ZNHIT6: variants seen among roughly 807,000 people sequenced by gnomAD.
The protein encoded by ZNHIT6 is zinc finger HIT-type containing 6.
Under a neutral mutation model 57.2 loss-of-function variants are expected in ZNHIT6, and 45 were observed. The observed-to-expected ratio is 0.79, with a 90% confidence interval of 0.62 to 1.01. The LOEUF (loss-of-function observed/expected upper bound fraction) is 1.01. Among genes scored for constraint, ZNHIT6 ranks in the 50% least tolerant of loss-of-function variants. The pLI is 0.00. For synonymous variants in ZNHIT6, 188 were observed against 190.0 expected (o/e 0.99, Z 0.09); for missense variants, 528 against 567.3 (o/e 0.93, Z 0.70).
At chr1:85,662,317 T>C (rs1198694695) in intron 8 of ZNHIT6, among the ~76,000 whole-genome samples, 1 of 152,118 alleles carries the variant, frequency 6.6e-6, no homozygotes, top group African/African-American at 2.4e-5. Flanking sequence ...TCTCCAAATT[T>C]AGCAATCTAG....
chr1:85,679,379 A>G (rs9661951), intron 6 of ZNHIT6, among the ~76,000 whole-genome samples: 137,928 of 152,056 alleles, frequency 0.91, 63,157 homozygotes, highest in Non-Finnish European at 0.97. Flanking sequence ...ATACCCCTAG[A>G]TGTAAAATAA....
At chr1:85,672,340 A>G (rs1661580319) in intron 8 of ZNHIT6, among the ~76,000 whole-genome samples, 1 of 152,160 alleles carries the variant, frequency 6.6e-6, no homozygotes, top group Non-Finnish European at 1.5e-5. Context: ...CCAGATCCAG[A>G]CAGCGTTAGT....
intron 8 of ZNHIT6, among the ~76,000 whole-genome samples, chr1:85,676,336 CAAAAA>C (rs754000429): frequency 5.5e-5 from 3 of 54,424 alleles, no homozygotes; most frequent in African/African-American, 6.9e-5. Flanking sequence ...AACTCCGTCT[CAAAAA>C]AAAAAAAAAA....
At position 85,667,968 on chromosome 1, in the gene ZNHIT6, A is replaced by G. The variant is rs950396879; in HGVS notation, c.1247+9268T>C. Among the ~76,000 whole-genome samples the G allele has an allele frequency of 7.6e-4, 90 of 118,900 alleles. 2 individuals carry two copies. Among genetic ancestry groups the G allele is most frequent in the African/African-American group, 2.4e-3 (75 of 31,910 alleles). The allele number at this position is 118,900 out of a possible 152,430, so 78.0% of individuals were successfully genotyped here. On this transcript the variant is annotated intron_variant, in intron 8 of 9. Transcript: ENST00000370574. ...CTTTCAAAAAAAAAAAAAAATATAT[A>G]TATATATATATATATATGCTCTGCT...
At chr1:85,700,778 A>T (rs751928980) in intron 5 of ZNHIT6, among the ~76,000 whole-genome samples, 2 of 152,230 alleles carry the variant, frequency 1.3e-5, no homozygotes, top group South Asian at 4.1e-4. Flanking sequence ...GCACAAAAGA[A>T]TCATCTCACA....
chr1:85,687,310 AAC>A lies in ZNHIT6; in HGVS notation c.1020-6408_1020-6407del, dbSNP rs1557861257. ...AAACAAAAAAAAAACAAAAAAAAAA[AAC>A]AATTTAGAACCCAGTACTCAAAAAT... On this transcript the variant is annotated intron_variant, in intron 5 of 9. Transcript: ENST00000370574. Among the ~76,000 whole-genome samples the A allele has an allele frequency of 9.7e-4, 140 of 143,660 alleles. 20 individuals are homozygous for A. The highest frequency in any genetic ancestry group is 3.9e-3 in the East Asian group (18 of 4,620). The allele number at this position is 143,660 out of a possible 152,430, so 94.2% of individuals were successfully genotyped here.
intron 8 of ZNHIT6, among the ~76,000 whole-genome samples, chr1:85,662,895 A>G (rs1661266956): frequency 6.6e-6 from 1 of 152,236 alleles, no homozygotes; most frequent in African/African-American, 2.4e-5. Flanking sequence ...GTGGTTAAAT[A>G]AAATGGCCAA....
chr1:85,667,961 A>AAAAAAAATGTATATATAT, intron 8 of ZNHIT6, among the ~76,000 whole-genome samples: 1 of 18,200 alleles, frequency 5.5e-5, no homozygotes, highest in African/African-American at 2.1e-4. Flanking sequence ...AAAAAAAAAA[A>AAAAAAAATGTATATATAT]ATATATATAT....
chr1:85,670,233 G>A (rs1197257026), intron 8 of ZNHIT6, among the ~76,000 whole-genome samples: 1 of 152,092 alleles, frequency 6.6e-6, no homozygotes, highest in Non-Finnish European at 1.5e-5. Flanking sequence ...AGTTTTACTG[G>A]ACCATATTCT....
intron 8 of ZNHIT6, among the ~76,000 whole-genome samples, chr1:85,665,849 A>G (rs1174110734): frequency 1.3e-5 from 2 of 152,186 alleles, no homozygotes; most frequent in Non-Finnish European, 2.9e-5. Context: ...CCATGAATTA[A>G]CTACATTATA....
intron 9 of ZNHIT6, among the ~76,000 whole-genome samples, chr1:85,656,224 C>T (rs191105717): frequency 2.0e-5 from 3 of 152,232 alleles, no homozygotes; most frequent in South Asian, 2.1e-4. Flanking sequence ...TGTGTACTTA[C>T]GATGTGACAA....
intron 8 of ZNHIT6, among the ~76,000 whole-genome samples, chr1:85,672,996 T>C (rs1010149995): frequency 1.3e-5 from 2 of 152,214 alleles, no homozygotes; most frequent in Non-Finnish European, 2.9e-5. Flanking sequence ...GTAACTTAAG[T>C]GGGCAGTAAT....
At position 85,651,931 on chromosome 1, in the gene ZNHIT6, A is replaced by G. The variant is rs1319570448; in HGVS notation, c.*2127T>C. Reference sequence around the variant, plus strand: ...AAATCTTACGGGAAAAAATATGCATATTAATCAAATGAGTTGATAATTATA... The same window carrying G: ...AAATCTTACGGGAAAAAATATGCATGTTAATCAAATGAGTTGATAATTATA... On this transcript the variant is annotated 3_prime_UTR_variant, in exon 10 of 10. Transcript: ENST00000370574. The G allele has an allele frequency of 6.6e-6, 1 of 152,252 alleles. No homozygotes were observed. The highest frequency in any genetic ancestry group is 1.5e-5 in the Non-Finnish European group (1 of 68,036). 9.4% of individuals were successfully genotyped at this position (152,252 alleles called of 1,614,324 possible).
Position 85,674,592 on chromosome 1 carries a change from T to C in ZNHIT6, c.1247+2644A>G, listed in dbSNP as rs565719888. Among the ~76,000 whole-genome samples, 17 of 152,334 alleles carry C rather than the reference T, an allele frequency of 1.1e-4. 1 individual carries two copies. Among genetic ancestry groups the C allele is most frequent in the African/African-American group, 4.1e-4 (17 of 41,576 alleles). Reference sequence around the variant, plus strand: ...CCTAAAATCAATTCCACGTAATTCATGTTTAAACAAAATAATTTACATTGT... The same window carrying C: ...CCTAAAATCAATTCCACGTAATTCACGTTTAAACAAAATAATTTACATTGT... On this transcript the variant is annotated intron_variant, in intron 8 of 9. Coordinates refer to ENST00000370574, the MANE Select transcript of ZNHIT6 (RefSeq NM_017953.4).
intron 5 of ZNHIT6, among the ~76,000 whole-genome samples, chr1:85,685,670 G>C (rs1662009279): frequency 6.6e-6 from 1 of 151,060 alleles, no homozygotes; most frequent in South Asian, 2.1e-4. Flanking sequence ...CTGACTTTCT[G>C]GGCTCAAGTG....
At chr1:85,666,190 G>C (rs764269532) in intron 8 of ZNHIT6, among the ~76,000 whole-genome samples, 20 of 152,194 alleles carry the variant, frequency 1.3e-4, no homozygotes, top group Non-Finnish European at 2.5e-4. Context: ...GTAAAGATAG[G>C]AGGAGAGAGC....
At chr1:85,670,317 A>C (rs559560154) in intron 8 of ZNHIT6, among the ~76,000 whole-genome samples, 11 of 152,186 alleles carry the variant, frequency 7.2e-5, no homozygotes, top group South Asian at 4.1e-4. Flanking sequence ...ATTATGACTA[A>C]ATGGCCCACA....
intron 9 of ZNHIT6, among the ~76,000 whole-genome samples, chr1:85,654,863 T>TA (rs754594914): frequency 2.0e-5 from 3 of 152,210 alleles, no homozygotes; most frequent in Admixed American, 6.5e-5. Context: ...TTGAGGCTTA[T>TA]AGCTGTTATC....
Position 85,652,620 on chromosome 1 carries a change from G to A in ZNHIT6, c.*1438C>T, listed in dbSNP as rs1660943640. 6.6e-6 allele frequency: 1 copy of A among 152,022 alleles called. No individual in the cohort carries two copies. The highest frequency in any genetic ancestry group is 2.4e-5 in the African/African-American group (1 of 41,406). 9.4% of individuals were successfully genotyped at this position (152,022 alleles called of 1,614,324 possible). A position where few individuals can be genotyped will look rare whatever the true frequency, so the allele number is the denominator to read the frequency against. ...AGTTTCTACCCCAAGTTATACTTGT[G>A]TCCCACAAATTTATCTTCTGCTCAT... is the stretch of plus-strand genomic sequence containing the variant. On this transcript the variant is annotated 3_prime_UTR_variant, in exon 10 of 10. Coordinates refer to ENST00000370574, the MANE Select transcript of ZNHIT6 (RefSeq NM_017953.4).
Sources: allele counts gnomAD v4.1 joint callset (sites outside exome capture counted in the v4.1 genomes callset), GRCh38; gene constraint gnomAD v4.1.1; transcripts MANE v1.5; gene names NCBI Gene and HGNC (gene_info 2026-07-23, HGNC 2026-07-21).